Variants in HGFAC observed in about 807,000 individuals in gnomAD.
The protein encoded by HGFAC is HGF activator.
HGFAC carries 76 observed loss-of-function variants against 70.6 expected under a neutral mutation model. That is an observed-to-expected ratio of 1.08 (90% confidence interval 0.89 to 1.30). The LOEUF (loss-of-function observed/expected upper bound fraction) is 1.30. Ranked by LOEUF, HGFAC falls within the 50% of genes most tolerant of loss-of-function variation. The pLI, the probability that HGFAC is intolerant of heterozygous loss-of-function variation, is 0.00. For missense variants in HGFAC, 1,044 were observed against 933.7 expected, an observed-to-expected ratio of 1.12 and a Z score of -1.54; for synonymous variants, 464 against 405.3, an observed-to-expected ratio of 1.14 and a Z score of -1.74.
In HGFAC at chr4:3,448,143, C is replaced by T. The variant is rs772312535; in HGVS notation, c.1652C>T (p.Ser551Phe). ...GHLDENVSGYSSSLREALVPL... is the reference protein window; with the variant it reads ...GHLDENVSGYFSSLREALVPL... ...TGTCCCACAGACGTGAGCGGCTACTCCAGCTCCCTGCGGGAGGCCCTGGTC... is the reference window on the plus strand; with the variant it reads ...TGTCCCACAGACGTGAGCGGCTACTTCAGCTCCCTGCGGGAGGCCCTGGTC... The change falls in exon 13 of 14, where the codon TCC becomes TTC. Residue 551 changes from serine (S) to phenylalanine (F), a missense_variant. Coordinates refer to ENST00000382774, the MANE Select transcript of HGFAC (RefSeq NM_001528.4). 1 of 1,595,078 alleles carries T rather than the reference C, an allele frequency of 6.3e-7. No individual in the cohort carries two copies. The highest frequency in any genetic ancestry group is 8.5e-7 in the Non-Finnish European group (1 of 1,172,074).
chr4:3,445,391 G>T (rs1225126279), intron 9 of HGFAC, 41 bp downstream of exon 9: 3 of 1,402,976 alleles, frequency 2.1e-6, no homozygotes, highest in Admixed American at 3.9e-5. Context: ...GCCCCACCGA[G>T]GTCACAGCAG....
At chr4:3,441,427 C>G (rs1478935651), upstream of HGFAC, among the ~76,000 whole-genome samples, 1 of 152,154 alleles carries the variant, frequency 6.6e-6, no homozygotes, top group Non-Finnish European at 1.5e-5. This position sits in a 1 kb window ranked among gnomAD's most constrained non-coding sequence, Gnocchi z 6.0. Context: ...TGCGTGGCCC[C>G]TCTCCTCCCT....
chr4:3,445,199 C>T, intron 8 of HGFAC, 66 bp from the exon 9 acceptor site: 1 of 1,402,824 alleles, frequency 7.1e-7, no homozygotes, highest in African/African-American at 1.4e-5. Context: ...GGTTCCGATG[C>T]CCCCTCCCCA....
chr4:3,441,908 A>C, upstream of HGFAC: 1 of 678,778 alleles, frequency 1.5e-6, no homozygotes, highest in South Asian at 2.5e-5. The surrounding 1 kb of genome is among the most constrained non-coding windows in gnomAD (Gnocchi z 6.0). Flanking sequence ...CGTGGGAGGC[A>C]GCCAGGGTTA....
chr4:3,447,924 C>G lies in HGFAC; in HGVS notation c.1525C>G (p.Arg509Gly), dbSNP rs759469873. Residue 509 changes from arginine to glycine, a missense_variant, in exon 12 of 14, where the codon CGC becomes GGC. Arg to Gly is a moderately radical substitution (Grantham distance 125). Coordinates refer to ENST00000382774, the MANE Select transcript of HGFAC (RefSeq NM_001528.4). ...GATCCGGCTGAAGAAGAAAGGGGAC[C>G]GCTGTGCCACACGCTCGCAGTTCGT... The part of the protein sequence containing the change: ...VLIRLKKKGD[R>G]CATRSQFVQP... 1 of 1,610,010 alleles carries G rather than the reference C, an allele frequency of 6.2e-7. No homozygotes were observed. Among genetic ancestry groups the G allele is most frequent in the African/African-American group, 1.3e-5 (1 of 74,890 alleles).
chr4:3,444,758 GCCCTGGGGC>G (rs747650651), intron 7 of HGFAC, 25 bp downstream of exon 7: 1 of 1,577,216 alleles, frequency 6.3e-7, no homozygotes, highest in South Asian at 1.1e-5. Context: ...CCCCCGGGGT[GCCCTGGGGC>G]AGTGCCGGGT....
In HGFAC at chr4:3,444,062, G is replaced by A. The variant is rs200907783; in HGVS notation, c.499G>A (p.Gly167Ser). The part of the protein sequence containing the change: ...GPAALDPCAS[G>S]PCLNGGSCSN... ...AGCTGCCCTGGATCCCTGTGCCTCCGGCCCCTGCCTCAATGGAGGCTCCTG... is the reference window on the plus strand; with the variant it reads ...AGCTGCCCTGGATCCCTGTGCCTCCAGCCCCTGCCTCAATGGAGGCTCCTG... The change falls in exon 5 of 14, where the codon GGC becomes AGC. Residue 167 changes from glycine (G) to serine (S), a missense_variant. Gly to Ser is a moderately conservative substitution (Grantham distance 56). Transcript: ENST00000382774. 32 of 1,609,022 alleles carry A rather than the reference G, an allele frequency of 2.0e-5. No homozygotes were observed. Among genetic ancestry groups the A allele is most frequent in the African/African-American group, 5.4e-5 (4 of 74,760 alleles).
rs549044627 is a variant in HGFAC, at chr4:3,447,442, G to A, written c.1356-50G>A. ...ACAGGGGGTGGGGAGAGGTGAGCCCGGTGGCTGGGGGAGGGCTGGTCCATG... is the reference window on the plus strand; with the variant it reads ...ACAGGGGGTGGGGAGAGGTGAGCCCAGTGGCTGGGGGAGGGCTGGTCCATG... On this transcript the variant is annotated intron_variant, in intron 10 of 13. Transcript: ENST00000382774. 50 of 1,603,556 alleles carry A rather than the reference G, an allele frequency of 3.1e-5. No homozygotes were observed. The South Asian group carries it at 4.3e-4, about 14-fold the overall frequency.
At position 3,447,940 on chromosome 4, in the gene HGFAC, C is replaced by T. The variant is rs146026447; in HGVS notation, c.1541C>T (p.Ser514Leu). Residue 514 changes from serine to leucine, a missense_variant, in exon 12 of 14, where the codon TCG becomes TTG. Coordinates refer to ENST00000382774, the MANE Select transcript of HGFAC (RefSeq NM_001528.4). Reference protein sequence around the residue: ...KKKGDRCATRSQFVQPICLPE... With the variant: ...KKKGDRCATRLQFVQPICLPE... The stretch of plus-strand genomic sequence containing the variant: ...AAAGGGGACCGCTGTGCCACACGCT[C>T]GCAGTTCGTGCAGCCCATCTGCCTG... The T allele has an allele frequency of 2.7e-4, 439 of 1,606,872 alleles. No homozygotes were observed. The highest frequency in any genetic ancestry group is 3.3e-4 in the Non-Finnish European group (392 of 1,177,444).
chr4:3,448,036 G>C lies in HGFAC; in HGVS notation c.1636+1G>C. 3.9e-6 allele frequency: 6 copies of C among 1,557,442 alleles called. No individual in the cohort carries two copies. Among genetic ancestry groups the C allele is most frequent in the Admixed American group, 1.9e-5 (1 of 51,780 alleles). On this transcript the variant is annotated splice_donor_variant, in intron 12 of 13. Coordinates refer to ENST00000382774, the MANE Select transcript of HGFAC (RefSeq NM_001528.4). LOFTEE classifies it high-confidence loss of function. Reference sequence around the variant, plus strand: ...GCGGGCTGGGGCCACTTGGATGAGAGTGAGTTGGGAGGGGGGCGCCCAGCG... The same window carrying C: ...GCGGGCTGGGGCCACTTGGATGAGACTGAGTTGGGAGGGGGGCGCCCAGCG...
chr4:3,443,332 GC>G lies in HGFAC; in HGVS notation c.396-3del, dbSNP rs977784294. 5.7e-5 allele frequency: 88 copies of G among 1,541,058 alleles called. No homozygotes were observed. The highest frequency in any genetic ancestry group is 6.9e-5 in the Non-Finnish European group (79 of 1,142,228). On this transcript the variant is annotated splice_polypyrimidine_tract_variant and splice_region_variant and intron_variant, in intron 3 of 13. Transcript: ENST00000382774. Reference sequence around the variant, plus strand: ...TGGGACCCCCATGCACGCAGGTGTCGCCCCCCAGGTGTGCCACAACTCACAA... The same window carrying G: ...TGGGACCCCCATGCACGCAGGTGTCGCCCCCAGGTGTGCCACAACTCACAA...
chr4:3,442,654 C>CA (rs1035713707), intron 1 of HGFAC, 78 bp from the exon 2 acceptor site: 5 of 1,099,386 alleles, frequency 4.5e-6, no homozygotes, highest in Admixed American at 5.7e-5. Flanking sequence ...GAAACAGGCT[C>CA]AGGGCTGTGA....
At position 3,444,208 on chromosome 4, in the gene HGFAC, G is replaced by A. The variant is rs1163058416; in HGVS notation, c.598+47G>A. 6 of 1,570,968 alleles carry A rather than the reference G, an allele frequency of 3.8e-6. No individual in the cohort carries two copies. In the African/African-American group the frequency reaches 6.8e-5, roughly 18 times the overall value. The stretch of plus-strand genomic sequence containing the variant: ...CGCAGGGGTCCAGGGGCCGGAGCAA[G>A]TCCCCGGAGGATGGGAGAACAGGTG... On this transcript the variant is annotated intron_variant, in intron 5 of 13. Coordinates refer to ENST00000382774, the MANE Select transcript of HGFAC (RefSeq NM_001528.4).
In HGFAC at chr4:3,444,329, C is replaced by T. The variant is rs1473156532; in HGVS notation, c.617C>T (p.Thr206Ile). 1 of 1,594,150 alleles carries T rather than the reference C, an allele frequency of 6.3e-7. No individual in the cohort carries two copies. Among genetic ancestry groups the T allele is most frequent in the Non-Finnish European group, 8.5e-7 (1 of 1,171,482 alleles). ...DCGTEKCFDETRYEYLEGGDR... is the reference protein window; with the variant it reads ...DCGTEKCFDEIRYEYLEGGDR... ...CCCTCAGAGAAATGCTTTGATGAGA[C>T]CCGCTACGAGTACCTGGAGGGGGGC... The change falls in exon 6 of 14, where the codon ACC (threonine) becomes ATC (isoleucine). Residue 206 changes from threonine (T) to isoleucine (I), a missense_variant. Physicochemically the swap from Thr to Ile is moderately conservative, Grantham distance 89. Coordinates refer to ENST00000382774, the MANE Select transcript of HGFAC (RefSeq NM_001528.4).
At chr4:3,448,396 G>T in intron 13 of HGFAC, 120 bp downstream of exon 13, 1 of 1,235,790 alleles carries the variant, frequency 8.1e-7, no homozygotes, top group African/African-American at 1.5e-5. Context: ...GGCAGGGCCA[G>T]CCAGGGACCC....
At chr4:3,447,836 CG>C in intron 11 of HGFAC, 58 bp from the exon 12 acceptor site, 1 of 1,586,126 alleles carries the variant, frequency 6.3e-7, no homozygotes. Context: ...CCACGGGCCC[CG>C]ACAGCCTCCC....
At chr4:3,447,061 G>A (rs549087167) in intron 10 of HGFAC, among the ~76,000 whole-genome samples, 1 of 152,338 alleles carries the variant, frequency 6.6e-6, no homozygotes, top group South Asian at 2.1e-4. Context: ...GCAGATGGGA[G>A]CCAGGCTCAG....
intron 10 of HGFAC, among the ~76,000 whole-genome samples, 156 bp from the exon 11 acceptor site, chr4:3,447,336 G>A (rs1414271963): frequency 6.6e-6 from 1 of 152,172 alleles, no homozygotes; most frequent in Non-Finnish European, 1.5e-5. Context: ...TGTCTCCCCA[G>A]TATCAACAGC....
chr4:3,447,988 C>T lies in HGFAC; in HGVS notation c.1589C>T (p.Pro530Leu). ...ICLPEPGSTF[P>L]AGHKCQIAGW... is the part of the protein sequence containing the mutation. ...CTGCCCGAGCCCGGCAGCACCTTCC[C>T]CGCAGGACACAAGTGCCAGATTGCG... Residue 530 changes from proline to leucine, a missense_variant, in exon 12 of 14, where the codon CCC (proline) becomes CTC (leucine). Physicochemically the swap from Pro to Leu is moderately conservative, Grantham distance 98. Coordinates refer to ENST00000382774, the MANE Select transcript of HGFAC (RefSeq NM_001528.4). 1 of 1,579,310 alleles carries T rather than the reference C, an allele frequency of 6.3e-7. No homozygotes were observed. The highest frequency in any genetic ancestry group is 8.6e-7 in the Non-Finnish European group (1 of 1,163,342).
Sources: allele counts gnomAD v4.1 joint callset (sites outside exome capture counted in the v4.1 genomes callset), GRCh38; gene constraint gnomAD v4.1.1; non-coding constraint Gnocchi (gnomAD v3.1); transcripts MANE v1.5; gene names NCBI Gene and HGNC (gene_info 2026-07-23, HGNC 2026-07-21).